Variants in HORMAD2 observed in about 807,000 individuals in gnomAD.
HORMAD2 encodes HORMA domain containing 2.
HORMAD2 carries 45 observed loss-of-function variants against 38.8 expected under a neutral mutation model. The ratio of observed to expected loss-of-function variants is 1.16; its 90% confidence interval spans 0.91 to 1.49. The LOEUF is 1.49. Among genes scored for constraint, HORMAD2 ranks in the 40% most tolerant of loss-of-function variants. The pLI is 0.00. For synonymous variants in HORMAD2, 126 were observed against 122.8 expected, an observed-to-expected ratio of 1.03 and a Z score of -0.17; for missense variants, 338 against 367.0, an observed-to-expected ratio of 0.92 and a Z score of 0.65.
intron 1 of HORMAD2, among the ~76,000 whole-genome samples, chr22:30,085,773 T>C (rs756130342): frequency 3.9e-5 from 6 of 152,108 alleles, no homozygotes; most frequent in Non-Finnish European, 8.8e-5. Flanking sequence ...TAAATAAAAC[T>C]TTAAAATATA....
chr22:30,130,597 T>C (rs1212097206), intron 10 of HORMAD2, among the ~76,000 whole-genome samples: 1 of 144,166 alleles, frequency 6.9e-6, no homozygotes, highest in Non-Finnish European at 1.5e-5. Context: ...TTTTTTTTTT[T>C]TTTTTTTTTT....
intron 10 of HORMAD2, among the ~76,000 whole-genome samples, chr22:30,131,353 A>G (rs1393477571): frequency 1.3e-5 from 2 of 152,152 alleles, no homozygotes; most frequent in Non-Finnish European, 2.9e-5. Context: ...TTTTAACCAT[A>G]TTTTTAGGCA....
the HORMAD2 span, among the ~76,000 whole-genome samples, chr22:30,205,792 T>C: frequency 6.6e-6 from 1 of 152,160 alleles, no homozygotes; most frequent in African/African-American, 2.4e-5. Flanking sequence ...CTGCCCGTTC[T>C]GTTTGGTCTC....
At position 30,119,089 on chromosome 22, in the gene HORMAD2, T is replaced by G. The variant is rs147030914; in HGVS notation, c.410+42T>G. ...TAATGAACATGAGAAATAAATAGGA[T>G]TGAGGTAAACATAAGCTTCTTGAGG... On this transcript the variant is annotated intron_variant, in intron 8 of 10. Transcript: ENST00000336726. 49 of 1,374,936 alleles carry G rather than the reference T, an allele frequency of 3.6e-5. 1 individual carries two copies. The East Asian group carries it at 1.1e-3, about 32-fold the overall frequency. 85.2% of individuals were successfully genotyped at this position (1,374,936 alleles called of 1,614,324 possible).
chr22:30,191,884 T>G, the HORMAD2 span, among the ~76,000 whole-genome samples: 1 of 152,230 alleles, frequency 6.6e-6, no homozygotes, highest in African/African-American at 2.4e-5. Context: ...CACCTTGATT[T>G]TCCAGAATTT....
intron 7 of HORMAD2, among the ~76,000 whole-genome samples, chr22:30,112,945 A>G (rs933201441): frequency 1.3e-5 from 2 of 152,094 alleles, no homozygotes; most frequent in African/African-American, 4.8e-5. Context: ...TAAATGAGAT[A>G]TGGCATAACT....
intron 1 of HORMAD2, among the ~76,000 whole-genome samples, chr22:30,090,712 T>C (rs2146067260): frequency 6.6e-6 from 1 of 152,354 alleles, no homozygotes; most frequent in South Asian, 2.1e-4. Context: ...CTATTTTCCA[T>C]TTTTGAATAA....
intron 4 of HORMAD2, among the ~76,000 whole-genome samples, 190 bp from the exon 5 acceptor site, chr22:30,104,207 GCTCA>G (rs1921017941): frequency 6.6e-6 from 1 of 152,054 alleles, no homozygotes; most frequent in Admixed American, 6.6e-5. Flanking sequence ...CCACAAAATA[GCTCA>G]CTATTACTTA....
the HORMAD2 span, among the ~76,000 whole-genome samples, chr22:30,189,160 G>T: frequency 2.6e-5 from 4 of 151,472 alleles, no homozygotes; most frequent in African/African-American, 9.7e-5. Context: ...ATCTCTTTCT[G>T]TTTCCAGTGT....
chr22:30,092,717 T>G (rs1313514036), intron 1 of HORMAD2, among the ~76,000 whole-genome samples: 1 of 152,188 alleles, frequency 6.6e-6, no homozygotes, highest in Non-Finnish European at 1.5e-5. Flanking sequence ...GATATGCAGT[T>G]TCTCCAGAAC....
intron 10 of HORMAD2, among the ~76,000 whole-genome samples, chr22:30,168,974 A>G (rs1925949263): frequency 6.6e-6 from 1 of 152,010 alleles, no homozygotes; most frequent in Non-Finnish European, 1.5e-5. Flanking sequence ...CACCACTCCC[A>G]CACCCTTCCT....
chr22:30,132,352 C>A (rs959661225), intron 10 of HORMAD2, among the ~76,000 whole-genome samples: 2 of 152,002 alleles, frequency 1.3e-5, no homozygotes, highest in Non-Finnish European at 2.9e-5. Flanking sequence ...GAGGCCAAGG[C>A]GGGAGGATCA....
chr22:30,082,804 A>G (rs1353645620), intron 1 of HORMAD2, among the ~76,000 whole-genome samples: 1 of 151,592 alleles, frequency 6.6e-6, no homozygotes, highest in Non-Finnish European at 1.5e-5. Context: ...TCAAAAAAAA[A>G]AAAAAGAAAA....
At chr22:30,100,048 T>C (rs1471526639) in intron 3 of HORMAD2, among the ~76,000 whole-genome samples, 1 of 152,226 alleles carries the variant, frequency 6.6e-6, no homozygotes, top group Non-Finnish European at 1.5e-5. Flanking sequence ...CCCATCAAGC[T>C]ACCATTGACT....
the HORMAD2 span, chr22:30,207,069 T>C: frequency 8.5e-6 from 4 of 470,606 alleles, no homozygotes; most frequent in Non-Finnish European, 1.8e-5. Context: ...TCAGTTGGAA[T>C]GTTTGGACAT....
the HORMAD2 span, among the ~76,000 whole-genome samples, chr22:30,186,820 G>A: frequency 1.3e-5 from 2 of 150,960 alleles, no homozygotes; most frequent in African/African-American, 2.4e-5. Context: ...TTCTGTGAAC[G>A]TCATTAATCA....
intron 10 of HORMAD2, among the ~76,000 whole-genome samples, chr22:30,153,770 T>C (rs1317781520): frequency 1.3e-5 from 2 of 152,182 alleles, no homozygotes; most frequent in African/African-American, 2.4e-5. Flanking sequence ...GACACTATCA[T>C]TTACTTAGTT....
chr22:30,171,207 T>C (rs73402644), intron 10 of HORMAD2, among the ~76,000 whole-genome samples: 6,498 of 152,246 alleles, frequency 0.043, 462 homozygotes, highest in African/African-American at 0.15. Context: ...TGGCATTAGT[T>C]ATCCTCCGTA....
At chr22:30,205,597 G>A in the HORMAD2 span, among the ~76,000 whole-genome samples, 1 of 152,178 alleles carries the variant, frequency 6.6e-6, no homozygotes, top group Non-Finnish European at 1.5e-5. Flanking sequence ...CAGCTGGAAG[G>A]CAGGGCTGAG....
Sources: allele counts gnomAD v4.1 joint callset (sites outside exome capture counted in the v4.1 genomes callset), GRCh38; gene constraint gnomAD v4.1.1; transcripts MANE v1.5; gene names NCBI Gene and HGNC (gene_info 2026-07-23, HGNC 2026-07-21).